Variants in EXOC4 observed in about 807,000 individuals in gnomAD.
EXOC4 encodes SEC8-like 1.
EXOC4 carries 71 observed loss-of-function variants against 107.2 expected under a neutral mutation model. That is an observed-to-expected ratio of 0.66 (90% CI 0.55 to 0.81). The LOEUF is 0.81. Among genes scored for constraint, EXOC4 ranks in the 30% least tolerant of loss-of-function variants. The pLI is 0.00. For missense variants in EXOC4, 1,108 were observed against 1,189.6 expected (o/e 0.93, Z 1.01); for synonymous variants, 456 against 441.2 (o/e 1.03, Z -0.42).
chr7:133,256,277 G>A (rs539435398), intron 1 of EXOC4, among the ~76,000 whole-genome samples: 14 of 152,268 alleles, frequency 9.2e-5, no homozygotes, highest in East Asian at 1.9e-4. Context: ...CACCGCGCCT[G>A]GTCTGCATTC....
chr7:134,020,864 T>C (rs1416272437), intron 17 of EXOC4, among the ~76,000 whole-genome samples: 2 of 151,900 alleles, frequency 1.3e-5, no homozygotes, highest in African/African-American at 4.8e-5. Context: ...CAGGTGCCTG[T>C]AGTCCCAGCT....
chr7:133,367,466 G>C (rs1413541654), intron 6 of EXOC4, among the ~76,000 whole-genome samples: 1 of 152,124 alleles, frequency 6.6e-6, no homozygotes, highest in Non-Finnish European at 1.5e-5. Context: ...TAATTATTTG[G>C]GACTTTTAGC....
chr7:133,451,599 A>G (rs1798349519), intron 7 of EXOC4, among the ~76,000 whole-genome samples: 1 of 151,382 alleles, frequency 6.6e-6, no homozygotes, highest in Non-Finnish European at 1.5e-5. Context: ...TTTCTCTTCT[A>G]TTTGTATATT....
At chr7:133,688,434 C>T (rs567455690) in intron 10 of EXOC4, among the ~76,000 whole-genome samples, 6 of 152,132 alleles carry the variant, frequency 3.9e-5, no homozygotes, top group South Asian at 2.1e-4. Flanking sequence ...AGTGGATTAG[C>T]GATTTTACTT....
At chr7:133,835,441 T>C (rs80067600) in intron 11 of EXOC4, among the ~76,000 whole-genome samples, 4,008 of 152,258 alleles carry the variant, frequency 0.026, 184 homozygotes, top group African/African-American at 0.091. Context: ...GACGGGGCTT[T>C]GTGTTCATAG....
chr7:134,060,462 C>G (rs1165514298), intron 17 of EXOC4, among the ~76,000 whole-genome samples: 6 of 152,198 alleles, frequency 3.9e-5, no homozygotes, highest in Non-Finnish European at 7.3e-5. Context: ...CCCATCCAGG[C>G]AGCCCCAGCA....
At chr7:133,535,760 T>G (rs1022495804) in intron 9 of EXOC4, among the ~76,000 whole-genome samples, 6 of 135,230 alleles carry the variant, frequency 4.4e-5, no homozygotes, top group African/African-American at 2.4e-4. Context: ...CCTCCACACA[T>G]GTCATTTTCT....
At chr7:133,406,120 G>A (rs144833904) in intron 7 of EXOC4, among the ~76,000 whole-genome samples, 33 of 152,286 alleles carry the variant, frequency 2.2e-4, no homozygotes, top group Admixed American at 5.2e-4. Flanking sequence ...TCTTTTGTGC[G>A]TCTTATTGCC....
intron 10 of EXOC4, among the ~76,000 whole-genome samples, chr7:133,687,380 C>G (rs185764744): frequency 3.9e-5 from 6 of 151,992 alleles, no homozygotes; most frequent in South Asian, 2.1e-4. Flanking sequence ...CCAAATACCA[C>G]CTGTTCCCTA....
At chr7:133,597,818 C>G (rs983357129) in intron 9 of EXOC4, among the ~76,000 whole-genome samples, 49 of 152,046 alleles carry the variant, frequency 3.2e-4, no homozygotes, top group African/African-American at 1.2e-3. Context: ...CGAGATCAGT[C>G]TGGCCAACAT....
intron 17 of EXOC4, among the ~76,000 whole-genome samples, chr7:134,050,096 T>C (rs1795748813): frequency 6.6e-6 from 1 of 152,208 alleles, no homozygotes. Context: ...GATATATTTG[T>C]GTGTTTATAT....
intron 14 of EXOC4, among the ~76,000 whole-genome samples, chr7:133,946,266 A>G (rs909131380): frequency 2.6e-5 from 4 of 152,132 alleles, no homozygotes; most frequent in African/African-American, 9.7e-5. Flanking sequence ...TTCCAAACTC[A>G]TTGCCATTGG....
At chr7:133,733,560 A>G (rs1037753337) in intron 10 of EXOC4, 10 of 152,192 alleles carry the variant, frequency 6.6e-5, no homozygotes, top group African/African-American at 1.9e-4. Context: ...CCTTTTTGCC[A>G]CTTTTTGTAA....
chr7:133,999,908 T>C (rs1794492834), intron 15 of EXOC4, among the ~76,000 whole-genome samples: 1 of 152,176 alleles, frequency 6.6e-6, no homozygotes. Flanking sequence ...TAGTCATTAA[T>C]TTACAAGAAA....
At chr7:133,645,632 A>T (rs545029150) in intron 10 of EXOC4, among the ~76,000 whole-genome samples, 1 of 152,138 alleles carries the variant, frequency 6.6e-6, no homozygotes, top group Non-Finnish European at 1.5e-5. Context: ...ATGGAAATTA[A>T]GGTCATATAG....
intron 10 of EXOC4, among the ~76,000 whole-genome samples, chr7:133,667,526 C>A (rs965631213): frequency 6.6e-6 from 1 of 151,986 alleles, no homozygotes; most frequent in East Asian, 1.9e-4. Context: ...TTTATTGAGC[C>A]CGTGTGGAGT....
intron 10 of EXOC4, among the ~76,000 whole-genome samples, chr7:133,731,576 A>C (rs564898336): frequency 1.3e-5 from 2 of 152,324 alleles, no homozygotes; most frequent in African/African-American, 4.8e-5. Context: ...TGTCTAGCCA[A>C]ATAAAATACT....
chr7:133,457,507 G>A (rs1050345456), intron 7 of EXOC4, among the ~76,000 whole-genome samples: 3 of 152,062 alleles, frequency 2.0e-5, no homozygotes, highest in Non-Finnish European at 2.9e-5. Flanking sequence ...TAGGTAGCTC[G>A]CCATATTGAG....
chr7:133,511,613 C>T (rs1799770301), intron 9 of EXOC4, among the ~76,000 whole-genome samples: 1 of 152,030 alleles, frequency 6.6e-6, no homozygotes. Flanking sequence ...ATCCTTATTC[C>T]AATGTGGCAT....
Sources: allele counts gnomAD v4.1 joint callset (sites outside exome capture counted in the v4.1 genomes callset), GRCh38; gene constraint gnomAD v4.1.1; transcripts MANE v1.5; gene names NCBI Gene and HGNC (gene_info 2026-07-23, HGNC 2026-07-21).